Variants in NF1 observed in about 807,000 individuals in gnomAD.
NF1 encodes the protein neurofibromin 1, also known as neurofibromin.
A neutral mutation model predicts 325.7 loss-of-function variants in NF1; 122 were observed. The ratio of observed to expected loss-of-function variants is 0.37; its 90% CI spans 0.32 to 0.44. NF1 has a LOEUF of 0.44. Ranked by LOEUF, NF1 falls within the 20% of genes least tolerant of loss-of-function variation. The pLI is 1.00. For missense variants in NF1, 2,140 were observed against 3,415.4 expected, an observed-to-expected ratio of 0.63 and a Z score of 9.31; for synonymous variants, 1,091 against 1,186.0, an observed-to-expected ratio of 0.92 and a Z score of 1.65.
intron 7 of NF1, among the ~76,000 whole-genome samples, chr17:31,182,143 A>G (rs567096810): frequency 3.6e-4 from 55 of 152,322 alleles, no homozygotes; most frequent in African/African-American, 1.3e-3. Flanking sequence ...GTAAGACACA[A>G]CTGCAAGGCA....
rs139288440 is a variant in NF1 at position 31,231,784 on chromosome 17, A to G, written c.3198-289A>G. Among the ~76,000 whole-genome samples, 691 of 152,114 alleles carry G rather than the reference A, an allele frequency of 4.5e-3. 6 individuals are homozygous for G. The highest frequency in any genetic ancestry group is 0.016 in the African/African-American group (661 of 41,484). On this transcript the variant is annotated intron_variant, in intron 24 of 57. Coordinates refer to ENST00000358273, the MANE Select transcript of NF1 (RefSeq NM_001042492.3). ...GGGTGGTTGAATCCATGGATATAGA[A>G]CTCACTGATACAGAGGGCCCATTGT...
At chr17:31,318,424 T>C (rs756316123) in intron 36 of NF1, 12 of 1,614,028 alleles carry the variant, frequency 7.4e-6, no homozygotes, top group Non-Finnish European at 1.0e-5. Context: ...TTTTGTTCTT[T>C]TCCAAGTGTC....
Position 31,305,635 on chromosome 17 carries a change from AG to A in NF1, c.4836-20184del, listed in dbSNP as rs531300031. 2.3e-4 allele frequency: 368 copies of A among 1,591,826 alleles called. 1 individual carries two copies. The South Asian group carries it at 4.0e-3, about 17-fold the overall frequency. ...TTCAGAATATTTCCTCGTTATCTAT[AG>A]CGGGTTTATAATGAAAGAGAAAGAC... On this transcript the variant is annotated intron_variant, in intron 36 of 57. Transcript: ENST00000358273.
chr17:31,111,632 A>G (rs535450427), intron 1 of NF1, among the ~76,000 whole-genome samples: 1 of 152,346 alleles, frequency 6.6e-6, no homozygotes, highest in African/African-American at 2.4e-5. Context: ...AAACCTGCCA[A>G]GCTAGAATTC....
intron 51 of NF1, among the ~76,000 whole-genome samples, chr17:31,354,086 T>A (rs1423722051): frequency 6.6e-6 from 1 of 152,204 alleles, no homozygotes; most frequent in East Asian, 1.9e-4. Context: ...AAAAAATATA[T>A]TGAATTCATT....
chr17:31,225,384 C>T, intron 17 of NF1, 134 bp downstream of exon 17: 1 of 954,314 alleles, frequency 1.0e-6, no homozygotes, highest in Admixed American at 2.1e-5. Context: ...TATTACTGCT[C>T]TTTGTGGAAC....
At chr17:31,206,455 T>C (rs2143917091) in intron 12 of NF1, 84 bp downstream of exon 12, 1 of 1,548,488 alleles carries the variant, frequency 6.5e-7, no homozygotes, top group Non-Finnish European at 8.9e-7. Flanking sequence ...GCTGCTTTGG[T>C]TATTTTAGAG....
intron 15 of NF1, chr17:31,222,281 G>GT: frequency 1.9e-6 from 2 of 1,045,712 alleles, no homozygotes; most frequent in Non-Finnish European, 2.3e-6. Flanking sequence ...TAACAATACT[G>GT]TTTTTTCAGT....
At chr17:31,261,658 T>A (rs1445642846) in intron 34 of NF1, 53 bp from the exon 35 acceptor site, 2 of 1,600,016 alleles carry the variant, frequency 1.2e-6, no homozygotes, top group African/African-American at 2.7e-5. Flanking sequence ...AAGAAATGTG[T>A]AGTGCTAAAT....
chr17:31,227,297 C>A lies in NF1; in HGVS notation c.2325+6C>A, dbSNP rs1567847979. 6.2e-7 allele frequency: 1 copy of A among 1,613,456 alleles called. No individual in the cohort carries two copies. The highest frequency in any genetic ancestry group is 2.2e-5 in the East Asian group (1 of 44,884). The stretch of plus-strand genomic sequence containing the variant: ...CCACTGCAGGAAACACTGAGGTATG[C>A]CCTTAGCAACAGAAACACCCCTCCC... On this transcript the variant is annotated splice_donor_region_variant and intron_variant, in intron 19 of 57. Transcript: ENST00000358273.
Position 31,304,676 on chromosome 17 carries a change from G to C in NF1, c.4836-21144G>C, listed in dbSNP as rs755209854. On this transcript the variant is annotated intron_variant, in intron 36 of 57. Transcript: ENST00000358273. ...CTATCTTCTGATGTACCATTTACTT[G>C]ATCTTTTATTTTCTCTGTTTTGGGG... 4 of 1,613,962 alleles carry C rather than the reference G, an allele frequency of 2.5e-6. No homozygotes were observed. In the South Asian group the frequency reaches 3.3e-5, roughly 13 times the overall value.
At chr17:31,373,349 G>A (rs2151600403) in intron 57 of NF1, among the ~76,000 whole-genome samples, 1 of 152,308 alleles carries the variant, frequency 6.6e-6, no homozygotes, top group African/African-American at 2.4e-5. Flanking sequence ...GATGACCTCT[G>A]CTGGAAGTTT....
At chr17:31,116,369 G>T (rs1913911994) in intron 1 of NF1, among the ~76,000 whole-genome samples, 1 of 152,140 alleles carries the variant, frequency 6.6e-6, no homozygotes, top group Non-Finnish European at 1.5e-5. Context: ...CAATTTTTAT[G>T]CTAACCCTGC....
intron 14 of NF1, among the ~76,000 whole-genome samples, chr17:31,220,662 A>T (rs759179117): frequency 2.6e-5 from 4 of 152,158 alleles, no homozygotes; most frequent in Non-Finnish European, 5.9e-5. Flanking sequence ...TGAAATGTCA[A>T]GTGAGTATAC....
Position 31,358,991 on chromosome 17 carries a change from G to A in NF1, c.8136G>A (p.Trp2712Ter), listed in dbSNP as rs2070339649. ...YLQSFGFNGL[W>*]RFAGPFSKQT... ...CAGGTTTTGGTTTTAATGGCTTGTG[G>A]CGGTTTGCAGGACCGTTTTCAAAGG... The change falls in exon 56 of 58, where the codon TGG (tryptophan) becomes TGA (stop). Residue 2712 changes from tryptophan (W) to a stop codon, truncating the protein, a stop_gained. Coordinates refer to ENST00000358273, the MANE Select transcript of NF1 (RefSeq NM_001042492.3). LOFTEE classifies it high-confidence loss of function. 6.2e-7 allele frequency: 1 copy of A among 1,613,672 alleles called. No homozygotes were observed. The highest frequency in any genetic ancestry group is 1.3e-5 in the African/African-American group (1 of 74,892).
intron 12 of NF1, among the ~76,000 whole-genome samples, chr17:31,208,576 C>G (rs1367086349): frequency 1.3e-5 from 2 of 152,118 alleles, no homozygotes; most frequent in East Asian, 3.9e-4. Flanking sequence ...AGGTTTATAG[C>G]TTTTGCTTGA....
rs1555614204 is a variant in NF1, at chr17:31,229,106, A to G, written c.2491A>G (p.Thr831Ala). The G allele has an allele frequency of 6.2e-7, 1 of 1,611,926 alleles. No homozygotes were observed. Among genetic ancestry groups the G allele is most frequent in the Non-Finnish European group, 8.5e-7 (1 of 1,179,800 alleles). Residue 831 changes from threonine to alanine, a missense_variant, in exon 21 of 58, where the codon ACA becomes GCA. Physicochemically the swap from Thr to Ala is moderately conservative, Grantham distance 58. Transcript: ENST00000358273. ...SGGGSIDLSD[T>A]DSLQEWINMT... ...AGGAGGATCCATAGATTTGTCTGAC[A>G]CAGACTCCCTACAGGAATGGATCAA...
At chr17:31,128,206 C>A (rs1915052360) in intron 1 of NF1, among the ~76,000 whole-genome samples, 1 of 151,856 alleles carries the variant, frequency 6.6e-6, no homozygotes, top group Non-Finnish European at 1.5e-5. Flanking sequence ...CCTGCCTCGA[C>A]CTCCCAAAGT....
At chr17:31,224,599 A>G (rs2066981124) in intron 16 of NF1, among the ~76,000 whole-genome samples, 1 of 152,182 alleles carries the variant, frequency 6.6e-6, no homozygotes, top group African/African-American at 2.4e-5. Flanking sequence ...TGTGAGTATG[A>G]GGAATCCAGT....
Sources: allele counts gnomAD v4.1 joint callset (sites outside exome capture counted in the v4.1 genomes callset), GRCh38; gene constraint gnomAD v4.1.1; transcripts MANE v1.5; gene names NCBI Gene and HGNC (gene_info 2026-07-23, HGNC 2026-07-21).